Variants in RNF111 observed in about 807,000 individuals in gnomAD.
The protein encoded by RNF111 is ring finger protein 111, also known as E3 ubiquitin-protein ligase Arkadia.
RNF111 carries 17 observed loss-of-function variants against 95.1 expected under a neutral mutation model. The ratio of observed to expected loss-of-function variants is 0.18; its 90% CI spans 0.12 to 0.27. The LOEUF (loss-of-function observed/expected upper bound fraction) is 0.27. Among genes scored for constraint, RNF111 ranks in the 10% least tolerant of loss-of-function variants. The pLI is 1.00. For missense variants in RNF111, 1,189 were observed against 1,210.4 expected (o/e 0.98, Z 0.26); for synonymous variants, 440 against 414.8 (o/e 1.06, Z -0.74).
Position 59,058,440 on chromosome 15 carries a change from C to T in RNF111, c.1256C>T (p.Ser419Phe). Reference protein sequence around the residue: ...ASINNSNPSTSEQASDTASAV... With the variant: ...ASINNSNPSTFEQASDTASAV... The stretch of plus-strand genomic sequence containing the variant: ...ATTAACAATTCAAATCCATCTACCT[C>T]TGAGCAGGCCTCTGATACTGCTTCA... Residue 419 changes from serine (S) to phenylalanine (F), a missense_variant, in exon 5 of 14, where the codon TCT becomes TTT. By Grantham distance (155) the Ser-to-Phe change is radical (BLOSUM62 -2). This residue lies in a region of RNF111 where 1,024 missense variants were observed against 925.9 expected (regional missense o/e 1.11). Transcript: ENST00000348370. 6.2e-7 allele frequency: 1 copy of T among 1,614,114 alleles called. No individual in the cohort carries two copies. The highest frequency in any genetic ancestry group is 8.5e-7 in the Non-Finnish European group (1 of 1,179,990).
At chr15:58,991,506 G>T (rs1050710836) in intron 1 of RNF111, among the ~76,000 whole-genome samples, 3 of 152,176 alleles carry the variant, frequency 2.0e-5, no homozygotes, top group Non-Finnish European at 2.9e-5. Flanking sequence ...AGTGGTAAGT[G>T]CCATGAGGAA....
rs371793322 is a variant in RNF111, at chr15:59,085,748, G to A, written c.2513G>A (p.Arg838Gln). ...PHLAHYHAPPRLHHLQLGALP... is the reference protein window; with the variant it reads ...PHLAHYHAPPQLHHLQLGALP... Reference sequence around the variant, plus strand: ...TTGGCCCATTATCACGCACCTCCTCGACTTCATCACTTACAATTAGGAGCT... The same window carrying A: ...TTGGCCCATTATCACGCACCTCCTCAACTTCATCACTTACAATTAGGAGCT... Residue 838 changes from arginine to glutamine, a missense_variant, in exon 10 of 14, where the codon CGA (arginine) becomes CAA (glutamine). Arg to Gln is a conservative substitution (Grantham distance 43). Transcript: ENST00000348370. The A allele has an allele frequency of 4.3e-6, 7 of 1,613,164 alleles. No homozygotes were observed. Among genetic ancestry groups the A allele is most frequent in the East Asian group, 2.2e-5 (1 of 44,848 alleles).
At chr15:59,026,616 T>C (rs1234256215) in intron 1 of RNF111, among the ~76,000 whole-genome samples, 1 of 152,206 alleles carries the variant, frequency 6.6e-6, no homozygotes, top group Non-Finnish European at 1.5e-5. Flanking sequence ...TTATCTGTTA[T>C]ATTTGCTGCT....
intron 1 of RNF111, among the ~76,000 whole-genome samples, chr15:59,014,845 T>G (rs569205051): frequency 1.3e-5 from 2 of 151,532 alleles, no homozygotes; most frequent in South Asian, 4.2e-4. Context: ...AGTCCTTACC[T>G]CCTGGGCTCA....
At chr15:59,055,574 A>C in intron 3 of RNF111, 108 bp from the exon 4 acceptor site, 1 of 838,200 alleles carries the variant, frequency 1.2e-6, no homozygotes, top group Admixed American at 3.3e-5. Context: ...TTCTTTGGAG[A>C]AATCTTGTAT....
intron 1 of RNF111, among the ~76,000 whole-genome samples, chr15:59,007,049 G>A (rs1440399582): frequency 1.2e-4 from 19 of 152,200 alleles, no homozygotes; most frequent in Non-Finnish European, 2.8e-4. Context: ...GCCTCTTGAA[G>A]TGCTGGAATT....
chr15:59,073,320 C>G (rs1341730522), intron 6 of RNF111, among the ~76,000 whole-genome samples: 4 of 151,684 alleles, frequency 2.6e-5, no homozygotes, highest in Non-Finnish European at 4.4e-5. Flanking sequence ...ACTAAAAATA[C>G]AAAAATACAA....
intron 2 of RNF111, among the ~76,000 whole-genome samples, chr15:59,044,095 A>G (rs1393245266): frequency 1.3e-5 from 2 of 152,136 alleles, no homozygotes; most frequent in South Asian, 2.1e-4. Flanking sequence ...CAGTGGCGCA[A>G]TCTCGGCTCA....
intron 1 of RNF111, among the ~76,000 whole-genome samples, chr15:59,004,838 A>G (rs140900053): frequency 1.5e-3 from 224 of 152,348 alleles, no homozygotes; most frequent in African/African-American, 5.3e-3. Context: ...GTTTGTGTAT[A>G]TGGCCTATAA....
At chr15:58,998,999 T>C (rs1013709686) in intron 1 of RNF111, among the ~76,000 whole-genome samples, 16 of 152,348 alleles carry the variant, frequency 1.1e-4, no homozygotes, top group Admixed American at 2.6e-4. Flanking sequence ...TTCATTGATA[T>C]GGTTTCAAAT....
intron 2 of RNF111, among the ~76,000 whole-genome samples, chr15:59,046,598 A>G (rs559148970): frequency 6.6e-6 from 1 of 152,224 alleles, no homozygotes; most frequent in Non-Finnish European, 1.5e-5. Context: ...ATAGACCTAA[A>G]TGTAAGAACT....
chr15:58,991,411 T>C (rs1303833688), intron 1 of RNF111, among the ~76,000 whole-genome samples: 1 of 152,258 alleles, frequency 6.6e-6, no homozygotes, highest in African/African-American at 2.4e-5. Flanking sequence ...GCACAGTCAC[T>C]GGTCTTCAGT....
At chr15:59,060,837 TGTTGCCCAGGCCTGTGTGCAGTG>T (rs1337254981) in intron 5 of RNF111, among the ~76,000 whole-genome samples, 1 of 151,494 alleles carries the variant, frequency 6.6e-6, no homozygotes, top group Non-Finnish European at 1.5e-5. Context: ...GGTCTGACTC[TGTTGCCCAGGCCTGTGTGCAGTG>T]GCACAATCTT....
chr15:59,059,621 C>T (rs559044192), intron 5 of RNF111, among the ~76,000 whole-genome samples: 4 of 152,188 alleles, frequency 2.6e-5, no homozygotes, highest in Non-Finnish European at 4.4e-5. Flanking sequence ...TCTAAGAAAC[C>T]GTTGCCTAAT....
intron 1 of RNF111, among the ~76,000 whole-genome samples, chr15:59,025,841 C>T (rs1456436656): frequency 1.3e-5 from 2 of 152,068 alleles, no homozygotes; most frequent in Admixed American, 1.3e-4. Flanking sequence ...AGCGATTCTC[C>T]TGCCTCAGCC....
At chr15:58,999,907 G>A (rs112777753) in intron 1 of RNF111, among the ~76,000 whole-genome samples, 2 of 152,052 alleles carry the variant, frequency 1.3e-5, no homozygotes, top group Non-Finnish European at 2.9e-5. Flanking sequence ...GAAGGGGGAA[G>A]TGCCACACAA....
rs1231124877 is a variant in RNF111 at position 58,992,014 on chromosome 15, G to A, written c.-20+3946G>A. On this transcript the variant is annotated intron_variant, in intron 1 of 13. Coordinates refer to ENST00000348370, the MANE Select transcript of RNF111 (RefSeq NM_017610.8). ...ATTAGTGATAGAGACTGAGGAATGA[G>A]GGAGAAAACTTGCAAATGTCTGGTA... Among the ~76,000 whole-genome samples the A allele has an allele frequency of 3.9e-5, 6 of 152,184 alleles. No individual in the cohort carries two copies. The South Asian group carries it at 1.2e-3, about 32-fold the overall frequency.
intron 1 of RNF111, among the ~76,000 whole-genome samples, chr15:59,021,869 A>C (rs1220732481): frequency 6.6e-6 from 1 of 151,600 alleles, no homozygotes; most frequent in East Asian, 1.9e-4. Context: ...GCTTCTTATA[A>C]ATTTTTTTTT....
At chr15:59,026,087 C>T (rs1366906610) in intron 1 of RNF111, among the ~76,000 whole-genome samples, 1 of 151,492 alleles carries the variant, frequency 6.6e-6, no homozygotes, top group African/African-American at 2.4e-5. Context: ...GCAATCATTA[C>T]ATTTTTATTT....
Sources: allele counts gnomAD v4.1 joint callset (sites outside exome capture counted in the v4.1 genomes callset), GRCh38; gene constraint gnomAD v4.1.1; regional missense constraint gnomAD v4.1.1; transcripts MANE v1.5; gene names NCBI Gene and HGNC (gene_info 2026-07-23, HGNC 2026-07-21).